MTRF1: variants seen among roughly 807,000 people sequenced by gnomAD.
The protein encoded by MTRF1 is peptide chain release factor 1, mitochondrial.
MTRF1 carries 51 observed loss-of-function variants against 62.9 expected under a neutral mutation model. The ratio of observed to expected loss-of-function variants is 0.81; its 90% confidence interval spans 0.65 to 1.02. The LOEUF (loss-of-function observed/expected upper bound fraction) is 1.02, where lower values mean the gene tolerates loss of function less well. Ranked by LOEUF, MTRF1 falls within the 50% of genes least tolerant of loss-of-function variation. The pLI is 0.00. For synonymous variants in MTRF1, 158 were observed against 181.9 expected (o/e 0.87, Z 1.06); for missense variants, 446 against 530.0 (o/e 0.84, Z 1.56).
rs374378181 is a variant in MTRF1 at position 41,261,643 on chromosome 13, A to G, written c.-8-728T>C. 7.5e-5 allele frequency: 16 copies of G among 213,616 alleles called. No homozygotes were observed. The East Asian group carries it at 1.8e-3, about 25-fold the overall frequency. 13.2% of individuals were successfully genotyped at this position (213,616 alleles called of 1,614,324 possible). On this transcript the variant is annotated intron_variant, in intron 1 of 9. Transcript: ENST00000379480. ...TTTGAAGAAAATATTATTATCTTGT[A>G]TAATTCTTTAACTTTAAGGATCTAG...
chr13:41,277,269 C>T, the MTRF1 span, among the ~76,000 whole-genome samples: 7 of 152,070 alleles, frequency 4.6e-5, no homozygotes, highest in African/African-American at 1.4e-4. Flanking sequence ...GTAGTTGGGA[C>T]TACAGGTGCA....
chr13:41,309,826 G>A, the MTRF1 span, among the ~76,000 whole-genome samples: 5 of 152,022 alleles, frequency 3.3e-5, no homozygotes, highest in African/African-American at 7.2e-5. Flanking sequence ...GAGAAACCCC[G>A]TCTCTACTAA....
intron 5 of MTRF1, among the ~76,000 whole-genome samples, chr13:41,243,247 A>T (rs1318709292): frequency 6.6e-6 from 1 of 151,634 alleles, no homozygotes; most frequent in Non-Finnish European, 1.5e-5. Flanking sequence ...TAAAAAAAAT[A>T]AAAATAAAAA....
At chr13:41,289,067 T>C in the MTRF1 span, among the ~76,000 whole-genome samples, 1 of 152,054 alleles carries the variant, frequency 6.6e-6, no homozygotes, top group Admixed American at 6.5e-5. Flanking sequence ...TCATTTGGCA[T>C]TTGAAGCAAA....
chr13:41,291,852 T>A, the MTRF1 span, among the ~76,000 whole-genome samples: 4 of 152,180 alleles, frequency 2.6e-5, no homozygotes, highest in Non-Finnish European at 5.9e-5. Context: ...GTGATCTTAG[T>A]CTTCCACTGT....
the MTRF1 span, among the ~76,000 whole-genome samples, chr13:41,272,314 G>T: frequency 2.2e-4 from 33 of 152,284 alleles, no homozygotes; most frequent in African/African-American, 7.7e-4. Context: ...GGGGAAGGAG[G>T]TATAGGGTGG....
chr13:41,257,798 T>C (rs1318324317), intron 2 of MTRF1: 3 of 450,130 alleles, frequency 6.7e-6, no homozygotes, highest in Non-Finnish European at 9.0e-6. Flanking sequence ...ACTCTGTCTC[T>C]TAAAAGAAAC....
the MTRF1 span, among the ~76,000 whole-genome samples, chr13:41,310,465 G>A: frequency 2.0e-5 from 3 of 152,204 alleles, no homozygotes; most frequent in Admixed American, 6.5e-5. Flanking sequence ...GAGGTCAAGA[G>A]ATCAAGACCA....
chr13:41,287,244 C>T, the MTRF1 span, among the ~76,000 whole-genome samples: 1 of 152,308 alleles, frequency 6.6e-6, no homozygotes, highest in Middle Eastern at 3.4e-3. Context: ...GGGGAGGCCT[C>T]AGGGAGCTTT....
chr13:41,309,324 C>T, the MTRF1 span, among the ~76,000 whole-genome samples: 182 of 146,566 alleles, frequency 1.2e-3, no homozygotes, highest in African/African-American at 4.1e-3. Context: ...TACAGGCACT[C>T]GCCACTATGC....
intron 5 of MTRF1, among the ~76,000 whole-genome samples, chr13:41,247,088 T>C (rs1443517821): frequency 6.6e-6 from 1 of 152,238 alleles, no homozygotes; most frequent in African/African-American, 2.4e-5. Context: ...AAATTCAATC[T>C]ACTCTCCAAG....
At chr13:41,231,959 G>A (rs1038349486) in intron 7 of MTRF1, among the ~76,000 whole-genome samples, 5 of 151,806 alleles carry the variant, frequency 3.3e-5, no homozygotes, top group African/African-American at 7.3e-5. Context: ...AAGCTGGGAC[G>A]GGGGAGTGGT....
intron 1 of MTRF1, chr13:41,261,641 G>A (rs575770386): frequency 1.9e-5 from 4 of 207,278 alleles, no homozygotes; most frequent in Non-Finnish European, 2.5e-5. Context: ...TTATTATCTT[G>A]TATAATTCTT....
chr13:41,308,969 A>T, the MTRF1 span, among the ~76,000 whole-genome samples: 1 of 152,260 alleles, frequency 6.6e-6, no homozygotes, highest in South Asian at 2.1e-4. Context: ...AAGTGAAAAC[A>T]TGTGGTATTT....
At chr13:41,301,462 G>A in the MTRF1 span, among the ~76,000 whole-genome samples, 1 of 152,056 alleles carries the variant, frequency 6.6e-6, no homozygotes, top group Non-Finnish European at 1.5e-5. Context: ...AAAGGCAAAG[G>A]ACAGGTTGGG....
chr13:41,258,570 A>AG (rs2040013420), intron 2 of MTRF1, among the ~76,000 whole-genome samples: 1 of 83,368 alleles, frequency 1.2e-5, no homozygotes, highest in African/African-American at 4.7e-5. Context: ...TCTTAAAAAA[A>AG]AAAACAAAAA....
intron 5 of MTRF1, among the ~76,000 whole-genome samples, chr13:41,249,159 A>G (rs1216241344): frequency 6.6e-6 from 1 of 152,180 alleles, no homozygotes; most frequent in African/African-American, 2.4e-5. Flanking sequence ...ACATATATGT[A>G]ATTTAACATG....
the MTRF1 span, among the ~76,000 whole-genome samples, chr13:41,288,601 T>A: frequency 6.6e-6 from 1 of 152,252 alleles, no homozygotes; most frequent in Non-Finnish European, 1.5e-5. Context: ...AGTGCAAAAG[T>A]AATTGCAGTT....
intron 9 of MTRF1, among the ~76,000 whole-genome samples, chr13:41,221,957 T>C (rs1217872731): frequency 6.6e-6 from 1 of 152,206 alleles, no homozygotes; most frequent in Non-Finnish European, 1.5e-5. Flanking sequence ...ATGGCTATGT[T>C]CCTAAGCAAG....
Sources: allele counts gnomAD v4.1 joint callset (sites outside exome capture counted in the v4.1 genomes callset), GRCh38; gene constraint gnomAD v4.1.1; transcripts MANE v1.5; gene names NCBI Gene and HGNC (gene_info 2026-07-23, HGNC 2026-07-21).